The following OPCML variants were observed in gnomAD, a reference collection of about 807,000 sequenced individuals.
OPCML encodes the protein opioid-binding protein/cell adhesion molecule.
Under a neutral mutation model 37.8 loss-of-function variants are expected in OPCML, and 13 were observed. The observed-to-expected ratio is 0.34, with a 90% CI of 0.22 to 0.55. OPCML has a LOEUF of 0.55. Among genes scored for constraint, OPCML ranks in the 20% least tolerant of loss-of-function variants. The pLI is 0.91. For synonymous variants in OPCML, 176 were observed against 168.8 expected, an observed-to-expected ratio of 1.04 and a Z score of -0.33; for missense variants, 341 against 435.6, an observed-to-expected ratio of 0.78 and a Z score of 1.93.
chr11:133,271,332 A>G (rs991789222), intron 1 of OPCML, among the ~76,000 whole-genome samples: 3 of 152,218 alleles, frequency 2.0e-5, no homozygotes, highest in Non-Finnish European at 1.5e-5. Flanking sequence ...AAGCACACAC[A>G]CAAAGCACTC....
chr11:133,530,415 G>A (rs1419490628), intron 1 of OPCML, among the ~76,000 whole-genome samples: 1 of 152,254 alleles, frequency 6.6e-6, no homozygotes, highest in Admixed American at 6.5e-5. Context: ...CCCTTGGGAT[G>A]GGGGTCCTGA....
intron 3 of OPCML, among the ~76,000 whole-genome samples, chr11:132,582,778 G>A (rs142734339): frequency 2.0e-3 from 306 of 151,584 alleles, no homozygotes; most frequent in African/African-American, 7.0e-3. Flanking sequence ...AGTCATGCAG[G>A]CAGCAAAACG....
chr11:133,378,947 G>A lies in OPCML; in HGVS notation c.61+153317C>T, dbSNP rs527592280. 1.5e-4 allele frequency among the ~76,000 whole-genome samples: 23 copies of A among 151,904 alleles called. No individual in the cohort carries two copies. The South Asian group carries it at 3.6e-3, about 23-fold the overall frequency. ...TTTTATTTTATTTTTGTAGAGACGG[G>A]GTTCTCACTATGTTGCCCAGGCTGG... On this transcript the variant is annotated intron_variant, in intron 1 of 7. Transcript: ENST00000524381.
chr11:132,573,389 A>G (rs575346807), intron 3 of OPCML, among the ~76,000 whole-genome samples: 1 of 152,136 alleles, frequency 6.6e-6, no homozygotes, highest in East Asian at 1.9e-4. Context: ...GGCTTTTCAT[A>G]TATGACTTTT....
intron 4 of OPCML, among the ~76,000 whole-genome samples, chr11:132,440,740 G>A (rs914979379): frequency 6.6e-6 from 1 of 152,182 alleles, no homozygotes; most frequent in African/African-American, 2.4e-5. Context: ...GGAAAATGTT[G>A]TTGAAACTTC....
At position 132,850,516 on chromosome 11, in the gene OPCML, GGTGT is replaced by G. The variant is rs66934308; in HGVS notation, c.146+92406_146+92409del. On this transcript the variant is annotated intron_variant, in intron 2 of 7. Transcript: ENST00000524381. ...TTTTATGATTCTACACTGTGGAAAG[GGTGT>G]GTGTGTGTGTGTGTGTGTGTGTGTG... 7.9e-3 allele frequency among the ~76,000 whole-genome samples: 1,168 copies of G among 148,090 alleles called. 6 individuals are homozygous for G. The highest frequency in any genetic ancestry group is 0.078 in the Middle Eastern group (22 of 282).
At chr11:132,473,123 A>G (rs1489120601) in intron 4 of OPCML, among the ~76,000 whole-genome samples, 1 of 152,234 alleles carries the variant, frequency 6.6e-6, no homozygotes, top group African/African-American at 2.4e-5. Context: ...CAACTCTTCC[A>G]TTAAGGACAA....
intron 2 of OPCML, among the ~76,000 whole-genome samples, chr11:132,896,326 C>T (rs1012486129): frequency 3.9e-5 from 6 of 152,124 alleles, no homozygotes; most frequent in African/African-American, 9.7e-5. Context: ...CCCCAGCACC[C>T]CTGAAGAGCT....
At chr11:133,009,185 T>C (rs1173081228) in intron 1 of OPCML, 1 of 985,178 alleles carries the variant, frequency 1.0e-6, no homozygotes, top group African/African-American at 1.7e-5. Flanking sequence ...AAATACACAT[T>C]GTCTCTAACA....
At chr11:133,377,947 TGA>T (rs1425217093) in intron 1 of OPCML, among the ~76,000 whole-genome samples, 1 of 152,072 alleles carries the variant, frequency 6.6e-6, no homozygotes, top group Non-Finnish European at 1.5e-5. Context: ...ACCTTCAGGG[TGA>T]GTTAGTTTTT....
intron 3 of OPCML, among the ~76,000 whole-genome samples, chr11:132,640,225 C>G (rs1455090633): frequency 6.6e-6 from 1 of 152,144 alleles, no homozygotes; most frequent in Non-Finnish European, 1.5e-5. Context: ...ATGAGCACAT[C>G]ATCTCTAACG....
intron 1 of OPCML, among the ~76,000 whole-genome samples, chr11:133,002,810 G>A (rs549052074): frequency 1.3e-5 from 2 of 152,080 alleles, no homozygotes; most frequent in South Asian, 2.1e-4. Flanking sequence ...GAGATTGATC[G>A]TAGGTTGTGT....
At position 132,659,646 on chromosome 11, in the gene OPCML, A is replaced by AT. The variant is rs558452907; in HGVS notation, c.147-2328dup. 7.2e-4 allele frequency among the ~76,000 whole-genome samples: 109 copies of AT among 152,032 alleles called. 2 individuals carry two copies. The highest frequency in any genetic ancestry group is 6.0e-3 in the Admixed American group (92 of 15,266). ...TTGTAAGCTACAATTGAAAAGGATG[A>AT]TTTTTTTGGCCTTTAGAACATATTC... On this transcript the variant is annotated intron_variant, in intron 2 of 7. Transcript: ENST00000524381.
rs1274083570 is a variant in OPCML, at chr11:132,889,951, G to A, written c.146+52975C>T. 5.9e-5 allele frequency among the ~76,000 whole-genome samples: 9 copies of A among 152,292 alleles called. No homozygotes were observed. The East Asian group carries it at 1.7e-3, about 29-fold the overall frequency. ...CGTTCAATATGCACCATTTTAATAG[G>A]CAGAAATGGGCTATTAGTATTTTTA... On this transcript the variant is annotated intron_variant, in intron 2 of 7. Transcript: ENST00000524381.
chr11:132,749,316 G>A (rs551382707), intron 2 of OPCML, among the ~76,000 whole-genome samples: 10 of 152,148 alleles, frequency 6.6e-5, no homozygotes, highest in African/African-American at 2.2e-4. Context: ...ACTATGACAG[G>A]CTGTAAGATA....
intron 4 of OPCML, among the ~76,000 whole-genome samples, chr11:132,498,460 G>A (rs958704817): frequency 2.6e-5 from 4 of 152,190 alleles, no homozygotes; most frequent in African/African-American, 7.2e-5. Flanking sequence ...TTGCCATGCA[G>A]CTACAGGTTC....
intron 2 of OPCML, among the ~76,000 whole-genome samples, chr11:132,837,153 A>G (rs1941055575): frequency 6.6e-6 from 1 of 152,082 alleles, no homozygotes; most frequent in African/African-American, 2.4e-5. Context: ...CGTCTCTACT[A>G]AAAATACAAA....
chr11:132,830,906 G>A (rs1298598035), intron 2 of OPCML, among the ~76,000 whole-genome samples: 2 of 152,194 alleles, frequency 1.3e-5, no homozygotes, highest in Admixed American at 1.3e-4. Context: ...TTGAGGAAAG[G>A]AAGTGCAGAA....
chr11:132,799,563 G>T (rs926777530), intron 2 of OPCML, among the ~76,000 whole-genome samples: 1 of 152,060 alleles, frequency 6.6e-6, no homozygotes, highest in African/African-American at 2.4e-5. Context: ...TCACATCAAA[G>T]ATCACTGATT....
Sources: allele counts gnomAD v4.1 joint callset (sites outside exome capture counted in the v4.1 genomes callset), GRCh38; gene constraint gnomAD v4.1.1; transcripts MANE v1.5; gene names NCBI Gene and HGNC (gene_info 2026-07-23, HGNC 2026-07-21).